SYNRG: variants seen among roughly 807,000 people sequenced by gnomAD.
The protein encoded by SYNRG is synergin gamma.
A neutral mutation model predicts 130.9 loss-of-function variants in SYNRG; 37 were observed. The observed-to-expected ratio is 0.28, with a 90% CI of 0.22 to 0.37. The LOEUF (loss-of-function observed/expected upper bound fraction) is 0.37. Among genes scored for constraint, SYNRG ranks in the 10% least tolerant of loss-of-function variants. SYNRG has a pLI of 1.00. For synonymous variants in SYNRG, 539 were observed against 568.1 expected (o/e 0.95, Z 0.73); for missense variants, 1,338 against 1,588.9 (o/e 0.84, Z 2.68).
intron 11 of SYNRG, among the ~76,000 whole-genome samples, chr17:37,562,559 T>G (rs2059617890): frequency 6.6e-6 from 1 of 152,170 alleles, no homozygotes; most frequent in Non-Finnish European, 1.5e-5. Flanking sequence ...GCAAAAATCT[T>G]TCCACAGTCA....
At position 37,553,639 on chromosome 17, in the gene SYNRG, A is replaced by G. The variant is rs2058876815; in HGVS notation, c.2084T>C (p.Met695Thr). The change falls in exon 14 of 22, where the codon ATG becomes ACG. Residue 695 changes from methionine to threonine, a missense_variant. Met to Thr is a moderately conservative substitution (Grantham distance 81). Transcript: ENST00000612223. The part of the protein sequence containing the change: ...VGEQDDFADF[M>T]AFSNSSISSE... ...TGAAATAGAGCTATTACTGAAAGCC[A>G]TAAAATCTGCAAAGTCATCCTGCTC... 6.2e-7 allele frequency: 1 copy of G among 1,613,914 alleles called. No individual in the cohort carries two copies.
At chr17:37,580,478 C>CGTGTGTGGGT (rs2061214847) in intron 6 of SYNRG, among the ~76,000 whole-genome samples, 1 of 121,960 alleles carries the variant, frequency 8.2e-6, no homozygotes, top group Admixed American at 8.3e-5. Flanking sequence ...CTTTGTATTT[C>CGTGTGTGGGT]GTGTGTGTGT....
intron 2 of SYNRG, among the ~76,000 whole-genome samples, chr17:37,597,042 T>G (rs1171798500): frequency 6.6e-6 from 1 of 152,228 alleles, no homozygotes; most frequent in African/African-American, 2.4e-5. Context: ...GTGCCTGGCC[T>G]GAAGGCTAGT....
chr17:37,522,319 C>T (rs1457329409), intron 19 of SYNRG, among the ~76,000 whole-genome samples: 9 of 151,876 alleles, frequency 5.9e-5, no homozygotes, highest in African/African-American at 1.9e-4. Context: ...CATGCCACCA[C>T]GCCCAGCTAA....
At position 37,517,935 on chromosome 17, in the gene SYNRG, A is replaced by G. The variant is rs566185126; in HGVS notation, c.*1005T>C. The G allele has an allele frequency of 4.9e-4, 74 of 152,216 alleles. No individual in the cohort carries two copies. The highest frequency in any genetic ancestry group is 1.6e-3 in the African/African-American group (66 of 41,538). 9.4% of individuals were successfully genotyped at this position (152,216 alleles called of 1,614,324 possible). On this transcript the variant is annotated 3_prime_UTR_variant, in exon 22 of 22. Coordinates refer to ENST00000612223, the MANE Select transcript of SYNRG (RefSeq NM_007247.6). ...TAAAATTCAGTACTGTTTCTGGACA[A>G]TTTTCTTCTACTTCTTCTAAGTCAT...
intron 10 of SYNRG, among the ~76,000 whole-genome samples, chr17:37,569,409 G>GAAAA (rs530693398): frequency 5.1e-5 from 3 of 59,384 alleles, no homozygotes; most frequent in Non-Finnish European, 9.5e-5. Context: ...GACTCTGGCT[G>GAAAA]AAAAAAAAAA....
At position 37,609,337 on chromosome 17, in the gene SYNRG, C is replaced by A; in HGVS notation, c.19G>T (p.Ala7Ser). The change falls in exon 1 of 22, where the codon GCT becomes TCT. Residue 7 changes from alanine to serine, a missense_variant. By Grantham distance (99) the Ala-to-Ser change is moderately conservative (BLOSUM62 1). Around this residue, in one of 3 missense-constraint regions of SYNRG, gnomAD observed 184 missense variants for 217.2 expected, o/e 0.85. Transcript: ENST00000612223. The stretch of plus-strand genomic sequence containing the variant: ...GCGGCCCCGCCGCCACCAGAACCAG[C>A]TCCTGGCCGCAGCGCCATCTTGCTC... MALRPG[A>S]GSGGGGAAGA... 6.8e-7 allele frequency: 1 copy of A among 1,462,034 alleles called. No individual in the cohort carries two copies. The highest frequency in any genetic ancestry group is 3.0e-5 in the East Asian group (1 of 33,832). 90.6% of individuals were successfully genotyped at this position (1,462,034 alleles called of 1,614,324 possible).
chr17:37,529,538 CAA>C (rs3049513), intron 19 of SYNRG, among the ~76,000 whole-genome samples: 2,010 of 124,602 alleles, frequency 0.016, 26 homozygotes, highest in African/African-American at 0.052. Context: ...ATATATTTTA[CAA>C]AAAAAAAAAA....
intron 2 of SYNRG, among the ~76,000 whole-genome samples, chr17:37,599,767 A>G (rs138110634): frequency 9.5e-4 from 144 of 152,292 alleles, no homozygotes; most frequent in African/African-American, 2.9e-3. Context: ...AGACTTAAAT[A>G]CTTAAGCTGA....
Position 37,538,322 on chromosome 17 carries a change from A to C in SYNRG, c.3517+2T>G. The C allele has an allele frequency of 6.3e-7, 1 of 1,590,530 alleles. No homozygotes were observed. Among genetic ancestry groups the C allele is most frequent in the Non-Finnish European group, 8.5e-7 (1 of 1,169,840 alleles). On this transcript the variant is annotated splice_donor_variant, in intron 18 of 21. Coordinates refer to ENST00000612223, the MANE Select transcript of SYNRG (RefSeq NM_007247.6). LOFTEE classifies it high-confidence loss of function. ...TCAATAGTAAAATATGAAAGAACAT[A>C]CCTAATAAATATTCCATGCCTTGAG...
At chr17:37,554,702 T>TA (rs1039803218) in intron 13 of SYNRG, among the ~76,000 whole-genome samples, 4 of 152,216 alleles carry the variant, frequency 2.6e-5, no homozygotes, top group African/African-American at 9.6e-5. Context: ...GGGCACATTG[T>TA]AAAGCAGCTC....
intron 11 of SYNRG, 57 bp from the exon 12 acceptor site, chr17:37,561,646 A>T: frequency 7.6e-7 from 1 of 1,318,406 alleles, no homozygotes; most frequent in Middle Eastern, 1.8e-4. Context: ...TATCATCTAA[A>T]AGGAAGTTAG....
At chr17:37,541,891 G>T in intron 15 of SYNRG, 81 bp downstream of exon 15, 1 of 1,299,274 alleles carries the variant, frequency 7.7e-7, no homozygotes, top group Non-Finnish European at 1.1e-6. Context: ...AAACCAGAGA[G>T]CAACATTTTA....
At position 37,542,327 on chromosome 17, in the gene SYNRG, G is replaced by A; in HGVS notation, c.2847C>T (p.Thr949=). The change falls in exon 15 of 22, where the codon ACC becomes ACT. Residue 949 remains threonine, a synonymous_variant. Coordinates refer to ENST00000612223, the MANE Select transcript of SYNRG (RefSeq NM_007247.6). The stretch of plus-strand genomic sequence containing the variant: ...CTGGAAGAGCATCTTCACTTACAAA[G>A]GTCGTTACTTTGGAGAGAGATGTCA... The part of the protein sequence containing the change: ...ITMTSLSKVT[T]FVSEDALPET... 7 of 1,614,174 alleles carry A rather than the reference G, an allele frequency of 4.3e-6. No individual in the cohort carries two copies. The highest frequency in any genetic ancestry group is 5.9e-6 in the Non-Finnish European group (7 of 1,180,044).
At chr17:37,529,408 ACTT>A (rs1387915277) in intron 19 of SYNRG, among the ~76,000 whole-genome samples, 1 of 151,996 alleles carries the variant, frequency 6.6e-6, no homozygotes, top group Non-Finnish European at 1.5e-5. Flanking sequence ...GCATAAGAAA[ACTT>A]CTGGAATGAT....
In SYNRG at chr17:37,603,990, C is replaced by T. The variant is rs139741892; in HGVS notation, c.78-3587G>A. ...GTATGGTGGCTCATGCCTGTAATTC[C>T]AGCACTTTGGGAGGCCGAGGTGGGT... On this transcript the variant is annotated intron_variant, in intron 1 of 21. Coordinates refer to ENST00000612223, the MANE Select transcript of SYNRG (RefSeq NM_007247.6). Among the ~76,000 whole-genome samples the T allele has an allele frequency of 8.5e-4, 129 of 152,218 alleles. 2 individuals are homozygous for T. In the East Asian group the frequency reaches 0.023, roughly 27 times the overall value.
At chr17:37,576,894 T>C (rs1209926906) in intron 7 of SYNRG, among the ~76,000 whole-genome samples, 1 of 152,200 alleles carries the variant, frequency 6.6e-6, no homozygotes. Flanking sequence ...TAAAATATCC[T>C]CCCAAAAGTT....
At chr17:37,535,400 T>C (rs1358778982) in intron 19 of SYNRG, among the ~76,000 whole-genome samples, 2 of 152,230 alleles carry the variant, frequency 1.3e-5, no homozygotes, top group East Asian at 3.8e-4. Context: ...TATAAGCTAT[T>C]TGGAAAGCCT....
rs1407060641 is a variant in SYNRG at position 37,533,661 on chromosome 17, C to T, written c.3666+2318G>A. ...GGAGGGCAGTGGTGTGATCTCAGCT[C>T]ACTGCAACCTCCGACTCCTGGGTTC... is the stretch of plus-strand genomic sequence containing the variant. On this transcript the variant is annotated intron_variant, in intron 19 of 21. Coordinates refer to ENST00000612223, the MANE Select transcript of SYNRG (RefSeq NM_007247.6). Among the ~76,000 whole-genome samples, 5 of 144,412 alleles carry T rather than the reference C, an allele frequency of 3.5e-5. No homozygotes were observed. In the South Asian group the frequency reaches 1.1e-3, roughly 32 times the overall value. 94.7% of individuals were successfully genotyped at this position (144,412 alleles called of 152,430 possible).
Sources: allele counts gnomAD v4.1 joint callset (sites outside exome capture counted in the v4.1 genomes callset), GRCh38; gene constraint gnomAD v4.1.1; regional missense constraint gnomAD v4.1.1; transcripts MANE v1.5; gene names NCBI Gene and HGNC (gene_info 2026-07-23, HGNC 2026-07-21).